Variants in GPC6 observed in about 807,000 individuals in gnomAD.
GPC6 encodes glypican-6.
GPC6 carries 14 observed loss-of-function variants against 55.2 expected under a neutral mutation model. That is an observed-to-expected ratio of 0.25 (90% CI 0.17 to 0.40). The LOEUF is 0.40. Ranked by LOEUF, GPC6 falls within the 10% of genes least tolerant of loss-of-function variation. GPC6 has a pLI of 1.00. For missense variants in GPC6, 641 were observed against 708.5 expected (o/e 0.90, Z 1.08); for synonymous variants, 278 against 259.6 (o/e 1.07, Z -0.68).
intron 4 of GPC6, among the ~76,000 whole-genome samples, chr13:94,181,970 G>A (rs1247235994): frequency 6.6e-6 from 1 of 152,186 alleles, no homozygotes; most frequent in Non-Finnish European, 1.5e-5. Context: ...AGGTTGCATG[G>A]CTTAGTCCAA....
chr13:93,949,526 C>T (rs1879160080), intron 3 of GPC6, among the ~76,000 whole-genome samples: 1 of 152,070 alleles, frequency 6.6e-6, no homozygotes. Context: ...GAGAACAGAT[C>T]AACAAAGCTG....
At chr13:93,833,141 G>T (rs568747979) in intron 3 of GPC6, among the ~76,000 whole-genome samples, 2 of 138,708 alleles carry the variant, frequency 1.4e-5, no homozygotes, top group African/African-American at 2.6e-5. Flanking sequence ...GAGAGAGAGA[G>T]AGAGAGAGAG....
chr13:93,279,846 C>T (rs1877886774), intron 1 of GPC6, among the ~76,000 whole-genome samples: 1 of 152,032 alleles, frequency 6.6e-6, no homozygotes, highest in African/African-American at 2.4e-5. Flanking sequence ...TTACAGTATT[C>T]GTTTTGAGGT....
intron 3 of GPC6, among the ~76,000 whole-genome samples, chr13:93,893,745 T>C (rs929980299): frequency 8.5e-5 from 13 of 152,218 alleles, no homozygotes; most frequent in African/African-American, 2.9e-4. Flanking sequence ...TCTTCCACTG[T>C]CACTGGCTGT....
intron 3 of GPC6, among the ~76,000 whole-genome samples, chr13:93,866,548 A>G (rs1888970905): frequency 6.6e-6 from 1 of 151,838 alleles, no homozygotes; most frequent in Non-Finnish European, 1.5e-5. Context: ...ATAAAAAAGA[A>G]CAAGATCATT....
intron 3 of GPC6, among the ~76,000 whole-genome samples, chr13:94,019,062 A>ATC (rs1882600221): frequency 1.3e-5 from 2 of 152,160 alleles, no homozygotes; most frequent in South Asian, 4.1e-4. Flanking sequence ...GGTATCAGGT[A>ATC]GTGCTGCTCT....
intron 2 of GPC6, among the ~76,000 whole-genome samples, chr13:93,660,520 T>TA (rs1303754837): frequency 2.6e-5 from 4 of 152,170 alleles, no homozygotes; most frequent in African/African-American, 4.8e-5. Flanking sequence ...CTTAGTTTTT[T>TA]AAAAAAATCA....
intron 2 of GPC6, among the ~76,000 whole-genome samples, chr13:93,698,892 C>T (rs1161370432): frequency 2.0e-5 from 3 of 151,892 alleles, no homozygotes; most frequent in East Asian, 3.9e-4. Context: ...GTAATTGGAG[C>T]AGAACTACTC....
At chr13:93,439,709 TA>T (rs1481886736) in intron 1 of GPC6, among the ~76,000 whole-genome samples, 2 of 149,420 alleles carry the variant, frequency 1.3e-5, no homozygotes, top group Non-Finnish European at 3.0e-5. Context: ...TAAAATAAAA[TA>T]AAATAAAATA....
chr13:94,025,909 A>G (rs930280640), intron 3 of GPC6, among the ~76,000 whole-genome samples: 28 of 152,210 alleles, frequency 1.8e-4, no homozygotes, highest in Admixed American at 3.3e-4. Context: ...AAAAATGAAA[A>G]GGATATTACT....
At chr13:94,013,632 G>A (rs1882341452) in intron 3 of GPC6, among the ~76,000 whole-genome samples, 1 of 152,202 alleles carries the variant, frequency 6.6e-6, no homozygotes, top group Admixed American at 6.5e-5. Context: ...TTACAGGCAT[G>A]AGTCACTGTG....
chr13:93,595,493 A>G (rs903045607), intron 2 of GPC6, among the ~76,000 whole-genome samples: 1 of 152,188 alleles, frequency 6.6e-6, no homozygotes, highest in Non-Finnish European at 1.5e-5. Context: ...GTTATTTGGT[A>G]TACTATATAT....
chr13:93,819,499 G>A (rs1193645253), intron 2 of GPC6, among the ~76,000 whole-genome samples: 1 of 152,182 alleles, frequency 6.6e-6, no homozygotes, highest in Non-Finnish European at 1.5e-5. Flanking sequence ...GGTGCATAAA[G>A]GGTTAAACAG....
intron 2 of GPC6, among the ~76,000 whole-genome samples, chr13:93,609,812 C>A (rs1489104965): frequency 1.3e-5 from 2 of 152,164 alleles, no homozygotes; most frequent in East Asian, 3.9e-4. Context: ...ATAGACCCAT[C>A]CCTCCCTTGG....
chr13:93,765,368 T>C (rs944072304), intron 2 of GPC6, among the ~76,000 whole-genome samples: 1 of 149,352 alleles, frequency 6.7e-6, no homozygotes, highest in Non-Finnish European at 1.5e-5. Context: ...GATGTTACAG[T>C]TGATAAAGAT....
chr13:94,286,291 AG>A, intron 4 of GPC6, 57 bp from the exon 5 acceptor site: 1 of 1,590,042 alleles, frequency 6.3e-7, no homozygotes, highest in South Asian at 1.1e-5. Context: ...GTTTAAACAC[AG>A]GTTGGGAACC....
intron 1 of GPC6, among the ~76,000 whole-genome samples, chr13:93,234,754 T>C (rs138937433): frequency 6.6e-6 from 1 of 151,830 alleles, no homozygotes; most frequent in Non-Finnish European, 1.5e-5. Flanking sequence ...GAGAAGTAAG[T>C]GTCCCAGAAA....
chr13:93,958,604 A>T (rs1244969760), intron 3 of GPC6, among the ~76,000 whole-genome samples: 1 of 152,172 alleles, frequency 6.6e-6, no homozygotes, highest in Non-Finnish European at 1.5e-5. Flanking sequence ...ATAGCCTTAT[A>T]GTATAGTTCA....
chr13:93,705,935 A>G (rs1194951774), intron 2 of GPC6, among the ~76,000 whole-genome samples: 2 of 151,710 alleles, frequency 1.3e-5, no homozygotes, highest in African/African-American at 4.8e-5. Context: ...CCAATGAAAC[A>G]TGAATACATA....
Sources: gnomAD v4.1 joint callset for allele counts (sites outside exome capture counted in the v4.1 genomes callset) on GRCh38, gnomAD v4.1.1 for gene constraint, MANE v1.5 for transcripts, NCBI Gene and HGNC (gene_info 2026-07-23, HGNC 2026-07-21) for gene names.